PCDH9: variants seen among roughly 807,000 people sequenced by gnomAD.
PCDH9 encodes the protein protocadherin-9.
In PCDH9, 24 loss-of-function variants were observed where a neutral mutation model predicts 70.6. The observed-to-expected ratio is 0.34, with a 90% confidence interval of 0.25 to 0.48. The LOEUF is 0.48. PCDH9 is among the 20% of genes least tolerant of loss of function. The pLI, the probability that PCDH9 is intolerant of heterozygous loss-of-function variation, is 0.99. For synonymous variants in PCDH9, 562 were observed against 558.5 expected (o/e 1.01, Z -0.09); for missense variants, 1,281 against 1,503.6 (o/e 0.85, Z 2.45).
intron 2 of PCDH9, among the ~76,000 whole-genome samples, chr13:66,998,606 G>A (rs1485239655): frequency 6.6e-6 from 1 of 152,096 alleles, no homozygotes; most frequent in Non-Finnish European, 1.5e-5. Context: ...CTCAGCAGTT[G>A]CCAAAATTAA....
At chr13:66,598,237 T>G (rs1210624917) in intron 4 of PCDH9, among the ~76,000 whole-genome samples, 1 of 151,826 alleles carries the variant, frequency 6.6e-6, no homozygotes, top group Non-Finnish European at 1.5e-5. Flanking sequence ...TCTGGGTATC[T>G]ATCCAGAAAA....
At chr13:66,607,965 A>G (rs1439463803) in intron 4 of PCDH9, among the ~76,000 whole-genome samples, 2 of 152,154 alleles carry the variant, frequency 1.3e-5, no homozygotes, top group Non-Finnish European at 2.9e-5. Flanking sequence ...TTTCAAACAC[A>G]CTGTAACATG....
At chr13:66,664,606 T>A (rs935184790) in intron 3 of PCDH9, among the ~76,000 whole-genome samples, 9 of 152,172 alleles carry the variant, frequency 5.9e-5, no homozygotes, top group Non-Finnish European at 2.9e-5. Flanking sequence ...CAGGAGAGAA[T>A]TCATGTTTAA....
At chr13:66,417,223 T>C (rs1038170620) in intron 4 of PCDH9, among the ~76,000 whole-genome samples, 1 of 152,162 alleles carries the variant, frequency 6.6e-6, no homozygotes, top group Non-Finnish European at 1.5e-5. Context: ...TTCCCCTCCC[T>C]GTGACCCTGT....
At chr13:66,668,210 T>C (rs2078122801) in intron 3 of PCDH9, among the ~76,000 whole-genome samples, 1 of 152,208 alleles carries the variant, frequency 6.6e-6, no homozygotes, top group Non-Finnish European at 1.5e-5. Flanking sequence ...TAGGACAGTT[T>C]GAAAAGGTGA....
intron 2 of PCDH9, among the ~76,000 whole-genome samples, chr13:66,973,879 C>T (rs1041026): frequency 2.9e-3 from 439 of 152,062 alleles, no homozygotes; most frequent in African/African-American, 9.6e-3. Context: ...ATTTTGTTTA[C>T]TTTTGCACAC....
intron 2 of PCDH9, among the ~76,000 whole-genome samples, chr13:67,097,651 T>C (rs1403221458): frequency 6.6e-6 from 1 of 152,154 alleles, no homozygotes; most frequent in African/African-American, 2.4e-5. Flanking sequence ...TAATTACTGA[T>C]TTCAGTAAAA....
chr13:66,907,421 TGTTTTATACTTTAAGACCA>T (rs895138599), intron 2 of PCDH9, among the ~76,000 whole-genome samples: 2 of 152,180 alleles, frequency 1.3e-5, no homozygotes, highest in African/African-American at 4.8e-5. Flanking sequence ...AAAGTACATT[TGTTTTATACTTTAAGACCA>T]GTTTGCTATT....
chr13:66,377,235 A>G (rs1956765492), intron 4 of PCDH9, among the ~76,000 whole-genome samples: 1 of 152,162 alleles, frequency 6.6e-6, no homozygotes, highest in African/African-American at 2.4e-5. Context: ...TACATTGAAC[A>G]TATTTGAGGC....
At chr13:66,967,172 C>T (rs1346910516) in intron 2 of PCDH9, among the ~76,000 whole-genome samples, 1 of 151,902 alleles carries the variant, frequency 6.6e-6, no homozygotes, top group East Asian at 1.9e-4. Flanking sequence ...AAAAAAATCA[C>T]TTAAAATGGC....
intron 4 of PCDH9, among the ~76,000 whole-genome samples, chr13:66,558,578 A>T (rs1406114933): frequency 1.3e-5 from 2 of 151,964 alleles, no homozygotes; most frequent in Non-Finnish European, 2.9e-5. Context: ...ACAGACAGAA[A>T]TTTTTTTAAA....
At chr13:67,182,794 C>A (rs1033457125) in intron 2 of PCDH9, among the ~76,000 whole-genome samples, 1 of 151,988 alleles carries the variant, frequency 6.6e-6, no homozygotes, top group African/African-American at 2.4e-5. Flanking sequence ...TCTGGGGTAC[C>A]CTCTTCCTTT....
chr13:66,854,183 TCCAA>T (rs1254527302), intron 3 of PCDH9, among the ~76,000 whole-genome samples: 1 of 152,190 alleles, frequency 6.6e-6, no homozygotes, highest in African/African-American at 2.4e-5. Context: ...AGACATTGGT[TCCAA>T]CACTGTCTAG....
At chr13:66,385,731 A>C (rs1053481884) in intron 4 of PCDH9, among the ~76,000 whole-genome samples, 17 of 152,350 alleles carry the variant, frequency 1.1e-4, no homozygotes, top group African/African-American at 3.8e-4. Context: ...GTAAGTTTAC[A>C]AAAAGGCAAT....
At chr13:66,677,568 T>A (rs9599130) in intron 3 of PCDH9, among the ~76,000 whole-genome samples, 16,946 of 152,006 alleles carry the variant, frequency 0.11, 1,200 homozygotes, top group East Asian at 0.23. Flanking sequence ...GATAGTGAGT[T>A]CTTGCAAAAT....
Position 67,074,085 on chromosome 13 carries a change from ATCTG to A in PCDH9, c.3036+151316_3036+151319del, listed in dbSNP as rs71685729. On this transcript the variant is annotated intron_variant, in intron 2 of 4. Coordinates refer to ENST00000377865, the MANE Select transcript of PCDH9 (RefSeq NM_203487.3). ...CTATCTATCTATCTGTTTATTATCT[ATCTG>A]TCTGTCTATTATCTATCTATCTATC... Among the ~76,000 whole-genome samples the A allele has an allele frequency of 9.3e-3, 1,371 of 147,438 alleles. 20 individuals carry two copies. The highest frequency in any genetic ancestry group is 0.03 in the African/African-American group (1,194 of 40,120).
intron 2 of PCDH9, among the ~76,000 whole-genome samples, chr13:66,932,840 T>A (rs1032047514): frequency 6.6e-6 from 1 of 151,144 alleles, no homozygotes; most frequent in Non-Finnish European, 1.5e-5. Flanking sequence ...ATATGTTCGC[T>A]AAAACACTTC....
intron 3 of PCDH9, among the ~76,000 whole-genome samples, chr13:66,720,773 G>A (rs1433550705): frequency 6.6e-6 from 1 of 152,050 alleles, no homozygotes; most frequent in Non-Finnish European, 1.5e-5. Flanking sequence ...AATTAGGATA[G>A]CAATAAATTC....
chr13:66,352,694 G>A (rs1956311023), intron 4 of PCDH9, among the ~76,000 whole-genome samples: 1 of 152,088 alleles, frequency 6.6e-6, no homozygotes, highest in African/African-American at 2.4e-5. Context: ...CCACCACATT[G>A]AGGTTTAGTG....
Sources: allele counts gnomAD v4.1 joint callset (sites outside exome capture counted in the v4.1 genomes callset), GRCh38; gene constraint gnomAD v4.1.1; transcripts MANE v1.5; gene names NCBI Gene and HGNC (gene_info 2026-07-23, HGNC 2026-07-21).